Variants in EPG5 observed in about 807,000 individuals in gnomAD.
The protein encoded by EPG5 is ectopic P granules protein 5 homolog.
EPG5 carries 159 observed loss-of-function variants against 302.7 expected under a neutral mutation model. The observed-to-expected ratio is 0.53, with a 90% CI of 0.46 to 0.60. The LOEUF is 0.60. Among genes scored for constraint, EPG5 ranks in the 20% least tolerant of loss-of-function variants. The pLI is 0.00. For missense variants in EPG5, 2,896 were observed against 3,092.4 expected (o/e 0.94, Z 1.51); for synonymous variants, 1,158 against 1,136.8 (o/e 1.02, Z -0.37).
At chr18:45,941,463 T>C (rs556188692) in intron 9 of EPG5, among the ~76,000 whole-genome samples, 13 of 152,236 alleles carry the variant, frequency 8.5e-5, no homozygotes, top group East Asian at 7.7e-4. Flanking sequence ...TGGGAACTAA[T>C]AGACGATCTG....
At chr18:45,833,110 A>T in the EPG5 span, among the ~76,000 whole-genome samples, 1 of 152,094 alleles carries the variant, frequency 6.6e-6, no homozygotes, top group Non-Finnish European at 1.5e-5. Flanking sequence ...GGACATTTTC[A>T]AAATTGGCTC....
intron 6 of EPG5, among the ~76,000 whole-genome samples, chr18:45,948,173 T>C (rs1407603035): frequency 1.3e-5 from 2 of 152,238 alleles, no homozygotes; most frequent in Non-Finnish European, 2.9e-5. Flanking sequence ...CTTCGCAATT[T>C]AGCACTTAAA....
the EPG5 span, chr18:45,837,537 T>C: frequency 1.5e-5 from 23 of 1,517,558 alleles, no homozygotes; most frequent in Non-Finnish European, 1.8e-5. Flanking sequence ...CGCTGGTCCA[T>C]GCAGGTGCCA....
the EPG5 span, among the ~76,000 whole-genome samples, chr18:45,818,836 C>A: frequency 5.7e-4 from 83 of 145,508 alleles, no homozygotes; most frequent in African/African-American, 2.1e-3. Context: ...TGGGTTCAAG[C>A]GATTCTTGTG....
At chr18:45,852,724 A>C in intron 43 of EPG5, 75 bp from the exon 44 acceptor site, 2 of 1,276,254 alleles carry the variant, frequency 1.6e-6, no homozygotes, top group Non-Finnish European at 2.2e-6. Context: ...CAGCACACCC[A>C]TTATCACTGT....
the EPG5 span, chr18:45,839,165 C>T: frequency 7.5e-7 from 1 of 1,336,620 alleles, no homozygotes; most frequent in South Asian, 2.0e-5. Flanking sequence ...GATAAGACCA[C>T]CTGGCTGACC....
intron 11 of EPG5, among the ~76,000 whole-genome samples, chr18:45,932,980 C>G (rs1365106087): frequency 6.6e-6 from 1 of 152,190 alleles, no homozygotes; most frequent in Non-Finnish European, 1.5e-5. Context: ...AACACAGAGC[C>G]TGGCAGATAG....
intron 43 of EPG5, among the ~76,000 whole-genome samples, chr18:45,855,047 G>C (rs890854635): frequency 6.6e-6 from 1 of 151,766 alleles, no homozygotes; most frequent in African/African-American, 2.4e-5. Flanking sequence ...ATAGGTTATA[G>C]GAATGTGGCC....
chr18:45,858,250 C>CAGT (rs2048558848), intron 41 of EPG5, among the ~76,000 whole-genome samples, 182 bp from the exon 42 acceptor site: 1 of 152,216 alleles, frequency 6.6e-6, no homozygotes, highest in Non-Finnish European at 1.5e-5. Context: ...ACACCTACTA[C>CAGT]ACGCCACTGT....
chr18:45,940,876 G>C (rs1282414546), intron 9 of EPG5, among the ~76,000 whole-genome samples: 1 of 152,212 alleles, frequency 6.6e-6, no homozygotes, highest in Admixed American at 6.5e-5. Flanking sequence ...GCTACTTAAT[G>C]AAACTGGGAG....
intron 36 of EPG5, among the ~76,000 whole-genome samples, chr18:45,868,423 C>T (rs538915022): frequency 5.9e-5 from 9 of 151,948 alleles, no homozygotes; most frequent in African/African-American, 1.4e-4. Context: ...ACGCAACCTC[C>T]GCCTCCTGGC....
rs769033549 is a variant in EPG5, at chr18:45,847,801, G to A, written c.*4666C>T. 2 of 152,404 alleles carry A rather than the reference G, an allele frequency of 1.3e-5. No homozygotes were observed. Among genetic ancestry groups the A allele is most frequent in the Non-Finnish European group, 2.9e-5 (2 of 68,028 alleles). The allele number at this position is 152,404 out of a possible 1,614,324, so 9.4% of individuals were successfully genotyped here. The stretch of plus-strand genomic sequence containing the variant: ...GGTTTTTAAAGGTCACACTAGATAT[G>A]TGGGAAGAAAACGAGTTGAACACAC... On this transcript the variant is annotated 3_prime_UTR_variant, in exon 44 of 44. Coordinates refer to ENST00000282041, the MANE Select transcript of EPG5 (RefSeq NM_020964.3).
chr18:45,927,484 C>T (rs1362977724), intron 13 of EPG5, among the ~76,000 whole-genome samples: 1 of 151,918 alleles, frequency 6.6e-6, no homozygotes, highest in African/African-American at 2.4e-5. Context: ...AAGCAAGGCC[C>T]GAAAGAGATA....
intron 4 of EPG5, among the ~76,000 whole-genome samples, chr18:45,949,872 G>A (rs772846026): frequency 6.6e-6 from 1 of 152,168 alleles, no homozygotes; most frequent in Non-Finnish European, 1.5e-5. Flanking sequence ...TATAAGTCAA[G>A]TAGTTTAATC....
intron 39 of EPG5, among the ~76,000 whole-genome samples, chr18:45,864,612 T>C (rs1428763704): frequency 6.6e-6 from 1 of 152,244 alleles, no homozygotes; most frequent in Non-Finnish European, 1.5e-5. Context: ...TGACTTTTTT[T>C]ACTGTGAGTT....
chr18:45,938,149 A>G (rs1267409434), intron 10 of EPG5, among the ~76,000 whole-genome samples: 1 of 152,178 alleles, frequency 6.6e-6, no homozygotes, highest in Non-Finnish European at 1.5e-5. Context: ...AATTTATGGT[A>G]TAAGTATAAC....
At chr18:45,907,514 C>T (rs187290158) in intron 24 of EPG5, among the ~76,000 whole-genome samples, 8 of 152,216 alleles carry the variant, frequency 5.3e-5, no homozygotes, top group Non-Finnish European at 1.0e-4. Flanking sequence ...CAAGTAAGCA[C>T]CTCCAAGCCA....
At chr18:45,840,070 T>A in the EPG5 span, 1 of 861,626 alleles carries the variant, frequency 1.2e-6, no homozygotes, top group Non-Finnish European at 1.8e-6. Context: ...TGGCACAGCT[T>A]CACACCCTGC....
intron 39 of EPG5, among the ~76,000 whole-genome samples, chr18:45,864,117 T>G (rs996084026): frequency 4.6e-5 from 7 of 152,172 alleles, no homozygotes; most frequent in African/African-American, 1.7e-4. Context: ...ATTCTTTTTA[T>G]TTTAGAGATG....
Sources: allele counts gnomAD v4.1 joint callset (sites outside exome capture counted in the v4.1 genomes callset), GRCh38; gene constraint gnomAD v4.1.1; transcripts MANE v1.5; gene names NCBI Gene and HGNC (gene_info 2026-07-23, HGNC 2026-07-21).